The following HMGCLL1 variants were observed in gnomAD, a reference collection of about 807,000 sequenced individuals.
HMGCLL1 encodes 3-hydroxy-3-methylglutaryl-CoA lyase like 1.
In HMGCLL1, 36 loss-of-function variants were observed where a neutral mutation model predicts 39.1. The observed-to-expected ratio is 0.92, with a 90% CI of 0.71 to 1.22. The LOEUF (loss-of-function observed/expected upper bound fraction) is 1.22, where lower values mean the gene tolerates loss of function less well. Among genes scored for constraint, HMGCLL1 ranks in the 50% most tolerant of loss-of-function variants. The pLI is 0.00. For missense variants in HMGCLL1, 451 were observed against 416.5 expected (o/e 1.08, Z -0.72); for synonymous variants, 149 against 144.0 (o/e 1.03, Z -0.25).
chr6:55,498,166 C>G (rs1239657240), intron 6 of HMGCLL1, among the ~76,000 whole-genome samples: 2 of 152,088 alleles, frequency 1.3e-5, no homozygotes, highest in Non-Finnish European at 2.9e-5. Flanking sequence ...AGGAAGAAAG[C>G]AAGTCTGCTG....
At chr6:55,539,389 T>G (rs535297022) in intron 3 of HMGCLL1, among the ~76,000 whole-genome samples, 18 of 152,218 alleles carry the variant, frequency 1.2e-4, no homozygotes, top group African/African-American at 4.1e-4. Context: ...CACATGCATG[T>G]GAATGTTCAT....
the HMGCLL1 span, among the ~76,000 whole-genome samples, chr6:55,648,558 C>T: frequency 2.6e-5 from 2 of 77,062 alleles, no homozygotes; most frequent in African/African-American, 6.1e-5. Context: ...CACATAAATA[C>T]AAACTACCAT....
chr6:55,496,245 A>G lies in HMGCLL1; in HGVS notation c.607-638T>C, dbSNP rs902598500. On this transcript the variant is annotated intron_variant, in intron 6 of 8. Coordinates refer to ENST00000274901, the MANE Select transcript of HMGCLL1 (RefSeq NM_001042406.2). ...AAAAAGAAAAAGGTATGTCATGACT[A>G]TATAAAATATGTGTTAATACTAATC... Among the ~76,000 whole-genome samples, 57 of 152,296 alleles carry G rather than the reference A, an allele frequency of 3.7e-4. 1 individual carries two copies. Among genetic ancestry groups the G allele is most frequent in the African/African-American group, 1.3e-3 (56 of 41,576 alleles).
chr6:55,477,177 TTATATTTATATATTA>T (rs1765352048), intron 7 of HMGCLL1, among the ~76,000 whole-genome samples: 1 of 38,366 alleles, frequency 2.6e-5, no homozygotes, highest in Non-Finnish European at 4.0e-5. Flanking sequence ...ATAATATATA[TTATATTTATATATTA>T]TATATTATAT....
At chr6:55,591,529 G>C in the HMGCLL1 span, among the ~76,000 whole-genome samples, 1 of 151,696 alleles carries the variant, frequency 6.6e-6, no homozygotes, top group South Asian at 2.1e-4. Context: ...TATTGGATAG[G>C]AATTAAGATT....
intron 7 of HMGCLL1, among the ~76,000 whole-genome samples, chr6:55,467,791 G>A (rs970249701): frequency 1.3e-5 from 2 of 151,954 alleles, no homozygotes; most frequent in African/African-American, 4.8e-5. Context: ...CCCGGTGGTA[G>A]AGGCTACGAT....
chr6:55,588,312 C>T, the HMGCLL1 span, among the ~76,000 whole-genome samples: 1 of 151,856 alleles, frequency 6.6e-6, no homozygotes, highest in Non-Finnish European at 1.5e-5. Context: ...CTACTGGGTA[C>T]ATAACGAAAT....
At chr6:55,543,333 A>C (rs1440216024) in intron 1 of HMGCLL1, among the ~76,000 whole-genome samples, 1 of 26,180 alleles carries the variant, frequency 3.8e-5, no homozygotes, top group African/African-American at 1.3e-4. Context: ...TATATTATAT[A>C]TCATATATGA....
chr6:55,651,849 C>G, the HMGCLL1 span, among the ~76,000 whole-genome samples: 1 of 152,050 alleles, frequency 6.6e-6, no homozygotes, highest in Non-Finnish European at 1.5e-5. Flanking sequence ...CCTAGCAGAG[C>G]TCTATTCTCT....
chr6:55,488,142 T>C (rs554453167), intron 7 of HMGCLL1, among the ~76,000 whole-genome samples: 1 of 152,254 alleles, frequency 6.6e-6, no homozygotes, highest in South Asian at 2.1e-4. Flanking sequence ...AATGTAATTT[T>C]GGGCTAGGAG....
chr6:55,676,401 C>T, the HMGCLL1 span, among the ~76,000 whole-genome samples: 16 of 152,238 alleles, frequency 1.1e-4, no homozygotes, highest in African/African-American at 3.4e-4. Context: ...TTCAGACCAA[C>T]GTCTTCCAAA....
intron 1 of HMGCLL1, among the ~76,000 whole-genome samples, chr6:55,547,485 T>C (rs1421700026): frequency 6.6e-6 from 1 of 152,024 alleles, no homozygotes; most frequent in Non-Finnish European, 1.5e-5. Flanking sequence ...TCATCTATAG[T>C]AGAAATTTCC....
At chr6:55,618,759 A>G in the HMGCLL1 span, among the ~76,000 whole-genome samples, 3 of 152,146 alleles carry the variant, frequency 2.0e-5, no homozygotes, top group African/African-American at 7.2e-5. Flanking sequence ...CAATTTTGTT[A>G]ACTAAGAGAT....
chr6:55,563,736 T>C (rs1450389375), intron 1 of HMGCLL1: 10 of 486,628 alleles, frequency 2.1e-5, no homozygotes, highest in East Asian at 7.5e-5. Flanking sequence ...TAAATAAGAG[T>C]TCATACAAAA....
the HMGCLL1 span, among the ~76,000 whole-genome samples, chr6:55,647,252 G>C: frequency 3.3e-5 from 5 of 151,748 alleles, no homozygotes; most frequent in African/African-American, 1.2e-4. Flanking sequence ...TGCACAGAAT[G>C]TCTTTTTTTA....
the HMGCLL1 span, among the ~76,000 whole-genome samples, chr6:55,605,009 G>T: frequency 6.6e-6 from 1 of 152,190 alleles, no homozygotes; most frequent in Non-Finnish European, 1.5e-5. Flanking sequence ...AATGTGCTAT[G>T]CACGGTAAAC....
chr6:55,625,893 G>A, the HMGCLL1 span, among the ~76,000 whole-genome samples: 4 of 152,160 alleles, frequency 2.6e-5, no homozygotes, highest in African/African-American at 9.6e-5. Context: ...TAATCAAGTA[G>A]ATAGGATGAC....
At chr6:55,468,570 T>C (rs1418675469) in intron 7 of HMGCLL1, among the ~76,000 whole-genome samples, 3 of 151,888 alleles carry the variant, frequency 2.0e-5, no homozygotes, top group African/African-American at 7.2e-5. Context: ...ATGGAGCCAG[T>C]AGAGAAGGAC....
intron 7 of HMGCLL1, among the ~76,000 whole-genome samples, chr6:55,492,468 C>T (rs944918240): frequency 1.3e-5 from 2 of 152,190 alleles, no homozygotes; most frequent in Admixed American, 6.5e-5. Context: ...CATTCCAGTA[C>T]CACATGTGGC....
Sources: allele counts gnomAD v4.1 joint callset (sites outside exome capture counted in the v4.1 genomes callset), GRCh38; gene constraint gnomAD v4.1.1; transcripts MANE v1.5; gene names NCBI Gene and HGNC (gene_info 2026-07-23, HGNC 2026-07-21).